Variants in NEGR1 observed in about 807,000 individuals in gnomAD.
NEGR1 encodes IgLON family member 4.
A neutral mutation model predicts 40.9 loss-of-function variants in NEGR1; 10 were observed. The ratio of observed to expected loss-of-function variants is 0.24; its 90% CI spans 0.15 to 0.42. The LOEUF (loss-of-function observed/expected upper bound fraction) is 0.42, where lower values mean the gene tolerates loss of function less well. Among genes scored for constraint, NEGR1 ranks in the 10% least tolerant of loss-of-function variants. NEGR1 has a pLI of 1.00. For synonymous variants in NEGR1, 185 were observed against 166.8 expected (o/e 1.11, Z -0.84); for missense variants, 352 against 438.9 (o/e 0.80, Z 1.77).
intron 3 of NEGR1, among the ~76,000 whole-genome samples, chr1:71,761,090 A>G (rs549472635): frequency 1.3e-5 from 2 of 152,328 alleles, no homozygotes; most frequent in East Asian, 3.9e-4. Context: ...TAAGATAATT[A>G]CAGAAGTTTT....
intron 6 of NEGR1, among the ~76,000 whole-genome samples, chr1:71,572,175 T>C (rs1476348881): frequency 6.6e-6 from 1 of 152,202 alleles, no homozygotes; most frequent in Non-Finnish European, 1.5e-5. Flanking sequence ...CATCTAAGCA[T>C]TGGTGACCCC....
At chr1:71,976,416 G>A (rs78693035) in intron 1 of NEGR1, among the ~76,000 whole-genome samples, 17,919 of 152,094 alleles carry the variant, frequency 0.12, 1,101 homozygotes, top group South Asian at 0.18. Context: ...TTTATTTTAC[G>A]ATTTACTGGA....
intron 1 of NEGR1, among the ~76,000 whole-genome samples, chr1:72,156,704 T>A (rs534276832): frequency 1.3e-5 from 2 of 152,252 alleles, no homozygotes; most frequent in Non-Finnish European, 2.9e-5. Context: ...TTCTGCCCAA[T>A]GTAAAGCAGA....
intron 1 of NEGR1, among the ~76,000 whole-genome samples, chr1:72,249,646 C>T (rs1232557152): frequency 6.6e-6 from 1 of 151,958 alleles, no homozygotes; most frequent in Admixed American, 6.6e-5. Context: ...TAAAGGATTT[C>T]ACAAAAAGGG....
At chr1:72,278,575 T>G (rs1201069886) in intron 1 of NEGR1, among the ~76,000 whole-genome samples, 1 of 152,016 alleles carries the variant, frequency 6.6e-6, no homozygotes, top group Admixed American at 6.6e-5. Flanking sequence ...CTCCTGAAAT[T>G]TATGTATTGT....
chr1:72,051,530 C>T (rs1450135457), intron 1 of NEGR1, among the ~76,000 whole-genome samples: 1 of 151,174 alleles, frequency 6.6e-6, no homozygotes, highest in East Asian at 1.9e-4. Context: ...TTTGTTGCAT[C>T]GAAAAAAATT....
intron 2 of NEGR1, among the ~76,000 whole-genome samples, chr1:71,910,112 G>T (rs1486138242): frequency 6.6e-6 from 1 of 152,090 alleles, no homozygotes; most frequent in Non-Finnish European, 1.5e-5. Context: ...GACATTAAAA[G>T]TCAGCCAAGT....
chr1:72,147,838 T>G (rs2100348814), intron 1 of NEGR1, among the ~76,000 whole-genome samples: 1 of 152,136 alleles, frequency 6.6e-6, no homozygotes, highest in African/African-American at 2.4e-5. Flanking sequence ...GCAGTCAAAT[T>G]TTAAAGCTCT....
At chr1:71,933,612 T>C (rs1053141076) in intron 2 of NEGR1, among the ~76,000 whole-genome samples, 19 of 152,170 alleles carry the variant, frequency 1.2e-4, no homozygotes, top group East Asian at 1.9e-4. Flanking sequence ...TACAATCTCA[T>C]GTCGGTTTCT....
intron 1 of NEGR1, among the ~76,000 whole-genome samples, chr1:71,996,637 C>A (rs756074972): frequency 6.6e-6 from 1 of 152,106 alleles, no homozygotes; most frequent in African/African-American, 2.4e-5. Flanking sequence ...AACATATGAT[C>A]TTGATCCCAT....
chr1:72,188,510 A>C (rs774576098), intron 1 of NEGR1, among the ~76,000 whole-genome samples: 7 of 151,546 alleles, frequency 4.6e-5, no homozygotes, highest in African/African-American at 1.7e-4. Flanking sequence ...TTTTCTTCAC[A>C]ATGTTTGATT....
intron 4 of NEGR1, among the ~76,000 whole-genome samples, chr1:71,658,256 T>G (rs1317551546): frequency 6.6e-6 from 1 of 152,236 alleles, no homozygotes. Context: ...TGCCATAAGT[T>G]AAGGTTTTGT....
chr1:71,763,713 A>G (rs1021417971), intron 3 of NEGR1, among the ~76,000 whole-genome samples: 1 of 151,410 alleles, frequency 6.6e-6, no homozygotes, highest in African/African-American at 2.4e-5. Flanking sequence ...TATTAAAGCT[A>G]TAAGGAAAAT....
intron 1 of NEGR1, among the ~76,000 whole-genome samples, chr1:72,082,518 T>C (rs1648044970): frequency 1.3e-5 from 2 of 152,104 alleles, no homozygotes; most frequent in Admixed American, 1.3e-4. Flanking sequence ...ATAAGTTACA[T>C]TATCTGAGGA....
At chr1:71,623,774 G>C (rs908855263) in intron 4 of NEGR1, among the ~76,000 whole-genome samples, 6 of 151,824 alleles carry the variant, frequency 4.0e-5, no homozygotes, top group Non-Finnish European at 8.8e-5. Context: ...AGTAGTATGG[G>C]TGTATTTGGG....
chr1:71,691,246 T>C (rs187970164), intron 4 of NEGR1, among the ~76,000 whole-genome samples: 8 of 152,108 alleles, frequency 5.3e-5, no homozygotes, highest in Admixed American at 5.2e-4. Context: ...TTAATAACAG[T>C]ATTACTTCAA....
intron 3 of NEGR1, among the ~76,000 whole-genome samples, chr1:71,759,626 T>G (rs1370578418): frequency 1.5e-5 from 2 of 130,556 alleles, no homozygotes; most frequent in African/African-American, 5.7e-5. Flanking sequence ...TTTTTTTTTT[T>G]TGAGACGGAG....
intron 6 of NEGR1, among the ~76,000 whole-genome samples, chr1:71,530,364 A>T (rs145033593): frequency 1.3e-5 from 2 of 151,274 alleles, no homozygotes; most frequent in Non-Finnish European, 3.0e-5. Context: ...GCTTAGTTAT[A>T]TATTGCCAAA....
At chr1:71,695,100 C>T (rs1046227365) in intron 4 of NEGR1, among the ~76,000 whole-genome samples, 21 of 151,846 alleles carry the variant, frequency 1.4e-4, no homozygotes, top group African/African-American at 4.8e-4. Flanking sequence ...CAATTTTTGA[C>T]TTTAAAGGGC....
Sources: allele counts gnomAD v4.1 joint callset (sites outside exome capture counted in the v4.1 genomes callset), GRCh38; gene constraint gnomAD v4.1.1; transcripts MANE v1.5; gene names NCBI Gene and HGNC (gene_info 2026-07-23, HGNC 2026-07-21).